Variants in TMEM255B observed in about 807,000 individuals in gnomAD.
The protein encoded by TMEM255B is transmembrane protein 255B.
Under a neutral mutation model 34.5 loss-of-function variants are expected in TMEM255B, and 35 were observed. The observed-to-expected ratio is 1.01, with a 90% CI of 0.77 to 1.34. The LOEUF (loss-of-function observed/expected upper bound fraction) is 1.34, where lower values mean the gene tolerates loss of function less well. Ranked by LOEUF, TMEM255B falls within the 40% of genes most tolerant of loss-of-function variation. The pLI, the probability that TMEM255B is intolerant of heterozygous loss-of-function variation, is 0.00. For missense variants in TMEM255B, 432 were observed against 433.2 expected (o/e 1.00, Z 0.02); for synonymous variants, 206 against 201.2 (o/e 1.02, Z -0.20).
Position 113,811,874 on chromosome 13 carries a change from G to A in TMEM255B, c.952G>A (p.Gly318Arg). 1 of 1,613,354 alleles carries A rather than the reference G, an allele frequency of 6.2e-7. No individual in the cohort carries two copies. The highest frequency in any genetic ancestry group is 8.5e-7 in the Non-Finnish European group (1 of 1,179,558). ...CTACGCACCCACCTACTTTCCCCCG[G>A]GGGAGAAGCCACCCCCCTACGCACC... is the stretch of plus-strand genomic sequence containing the variant. The part of the protein sequence containing the change: ...PCYAPTYFPP[G>R]EKPPPYAP The change falls in exon 9 of 9, where the codon GGG becomes AGG. Residue 318 changes from glycine (G) to arginine (R), a missense_variant. Transcript: ENST00000375353.
At position 113,804,924 on chromosome 13, in the gene TMEM255B, C is replaced by T; in HGVS notation, c.709C>T (p.Pro237Ser). Residue 237 changes from proline to serine, a missense_variant, in exon 8 of 9, where the codon CCA becomes TCA. Pro to Ser is a moderately conservative substitution (Grantham distance 74). Transcript: ENST00000375353. ...GCTGGCCTATGGCCCAGCCGTCCCACCACAGACCCTCTACAACCCCGCCCA... is the reference window on the plus strand; with the variant it reads ...GCTGGCCTATGGCCCAGCCGTCCCATCACAGACCCTCTACAACCCCGCCCA... ...SQLAYGPAVP[P>S]QTLYNPAQQI... 6.2e-7 allele frequency: 1 copy of T among 1,604,718 alleles called. No individual in the cohort carries two copies. The highest frequency in any genetic ancestry group is 8.5e-7 in the Non-Finnish European group (1 of 1,179,672).
At chr13:113,761,233 C>G in intron 1 of TMEM255B, 1 of 985,366 alleles carries the variant, frequency 1.0e-6, no homozygotes, top group Non-Finnish European at 1.2e-6. Flanking sequence ...TAGAACCCTT[C>G]CAAGCAGTGC....
At position 113,812,245 on chromosome 13, in the gene TMEM255B, C is replaced by T; in HGVS notation, c.*342C>T. On this transcript the variant is annotated 3_prime_UTR_variant, in exon 9 of 9. Transcript: ENST00000375353. ...TTATGATTTTGCAAAGACAGTGCAGCCCCGGCCTCCCTGCCTGTGTGTTCT... is the reference window on the plus strand; with the variant it reads ...TTATGATTTTGCAAAGACAGTGCAGTCCCGGCCTCCCTGCCTGTGTGTTCT... 1 of 313,530 alleles carries T rather than the reference C, an allele frequency of 3.2e-6. No homozygotes were observed. The highest frequency in any genetic ancestry group is 7.9e-5 in the East Asian group (1 of 12,602). 19.4% of individuals were successfully genotyped at this position (313,530 alleles called of 1,614,324 possible). A position where few individuals can be genotyped will look rare whatever the true frequency, so the allele number is the denominator to read the frequency against.
chr13:113,802,764 C>T (rs2051089504), intron 7 of TMEM255B, among the ~76,000 whole-genome samples: 1 of 148,464 alleles, frequency 6.7e-6, no homozygotes, highest in Admixed American at 6.7e-5. Context: ...CTGAGAGTGA[C>T]CCTGGCATCC....
At chr13:113,765,190 G>C (rs1376445245) in intron 1 of TMEM255B, among the ~76,000 whole-genome samples, 1 of 152,212 alleles carries the variant, frequency 6.6e-6, no homozygotes, top group Non-Finnish European at 1.5e-5. Context: ...GGAAGGCCGT[G>C]ACCAAGGCCA....
chr13:113,781,339 G>T (rs1269462694), intron 3 of TMEM255B, among the ~76,000 whole-genome samples: 1 of 152,164 alleles, frequency 6.6e-6, no homozygotes, highest in Non-Finnish European at 1.5e-5. Flanking sequence ...TTCACAACTT[G>T]CTTAAACCTT....
intron 3 of TMEM255B, among the ~76,000 whole-genome samples, chr13:113,780,293 G>A (rs149337961): frequency 0.015 from 2,210 of 152,290 alleles, 18 homozygotes; most frequent in Non-Finnish European, 0.022. Context: ...CAAAGTCTTG[G>A]TAAAATAACC....
chr13:113,782,879 G>A (rs1453521398), intron 3 of TMEM255B, among the ~76,000 whole-genome samples: 1 of 152,194 alleles, frequency 6.6e-6, no homozygotes, highest in Non-Finnish European at 1.5e-5. Context: ...GGGTTATCAG[G>A]AGGCTTTTTG....
chr13:113,800,099 G>T (rs1330326577), intron 5 of TMEM255B: 111 of 1,143,748 alleles, frequency 9.7e-5, no homozygotes, highest in South Asian at 3.1e-4. Context: ...TGTGTGTGGG[G>T]GGGGGTAGGC....
chr13:113,759,471 A>G (rs1331583630), intron 1 of TMEM255B, among the ~76,000 whole-genome samples, 156 bp downstream of exon 1: 1 of 152,168 alleles, frequency 6.6e-6, no homozygotes, highest in African/African-American at 2.4e-5. Flanking sequence ...TGTCTTTGGA[A>G]CACTTTGCAT....
rs954093948 is a variant in TMEM255B at position 113,808,215 on chromosome 13, G to C, written c.813+3187G>C. On this transcript the variant is annotated intron_variant, in intron 8 of 8. Transcript: ENST00000375353. ...TCCCACTTGAGACAGTGGGGGATGG[G>C]GAACAGTGACTTGGTGGGGGAGGTT... Among the ~76,000 whole-genome samples the C allele has an allele frequency of 7.9e-5, 12 of 152,260 alleles. No individual in the cohort carries two copies. The South Asian group carries it at 2.1e-3, about 26-fold the overall frequency.
chr13:113,769,027 C>T lies in TMEM255B; in HGVS notation c.190-71C>T. The T allele has an allele frequency of 6.4e-7, 1 of 1,561,010 alleles. No homozygotes were observed. Among genetic ancestry groups the T allele is most frequent in the Non-Finnish European group, 8.8e-7 (1 of 1,132,642 alleles). Reference sequence around the variant, plus strand: ...ATGCCTTTGAGGGCGGGATTATTTGCTTTAAATGTCAGTGTTAAGCTTCTA... The same window carrying T: ...ATGCCTTTGAGGGCGGGATTATTTGTTTTAAATGTCAGTGTTAAGCTTCTA... On this transcript the variant is annotated intron_variant, in intron 2 of 8. Transcript: ENST00000375353. The surrounding 1 kb of genome is among the most constrained non-coding windows in gnomAD (Gnocchi z 4.2).
At chr13:113,777,444 G>A (rs919026585) in intron 3 of TMEM255B, among the ~76,000 whole-genome samples, 3 of 152,190 alleles carry the variant, frequency 2.0e-5, no homozygotes, top group African/African-American at 4.8e-5. Context: ...GACAGTGGCG[G>A]AGGCTGCCAG....
rs1046751558 is a variant in TMEM255B, at chr13:113,816,042, G to A, written c.*4139G>A. On this transcript the variant is annotated 3_prime_UTR_variant, in exon 9 of 9. Coordinates refer to ENST00000375353, the MANE Select transcript of TMEM255B (RefSeq NM_182614.4). ...TCTTTTCGGGGAGGCAAGCGTGTTCGCAGCGTGTTCTGTATGGGGAGAGAT... is the reference window on the plus strand; with the variant it reads ...TCTTTTCGGGGAGGCAAGCGTGTTCACAGCGTGTTCTGTATGGGGAGAGAT... 9.3e-4 allele frequency: 158 copies of A among 170,452 alleles called. 3 individuals carry two copies. The highest frequency in any genetic ancestry group is 4.0e-3 in the African/African-American group (145 of 36,520). 10.6% of individuals were successfully genotyped at this position (170,452 alleles called of 1,614,324 possible).
Position 113,770,499 on chromosome 13 carries a change from A to G in TMEM255B, c.252+1339A>G, listed in dbSNP as rs1361411301. 1.1e-4 allele frequency among the ~76,000 whole-genome samples: 17 copies of G among 152,124 alleles called. No individual in the cohort carries two copies. The highest frequency in any genetic ancestry group is 1.1e-3 in the Admixed American group (17 of 15,286). On this transcript the variant is annotated intron_variant, in intron 3 of 8. Transcript: ENST00000375353. This position sits in a 1 kb window ranked among gnomAD's most constrained non-coding sequence, Gnocchi z 4.6. ...TGGAGCCTGACCGTGTGAGGGTGGG[A>G]GGTCCCTGGAGGGTTGGGGGTGGCT...
At chr13:113,785,941 C>T (rs1009172547) in intron 3 of TMEM255B, among the ~76,000 whole-genome samples, 3 of 152,180 alleles carry the variant, frequency 2.0e-5, no homozygotes, top group Non-Finnish European at 2.9e-5. Context: ...TGGGCCAGAC[C>T]GTTTGATTCC....
At chr13:113,808,792 T>TGGA (rs1555302321) in intron 8 of TMEM255B, among the ~76,000 whole-genome samples, 1 of 38,500 alleles carries the variant, frequency 2.6e-5, no homozygotes, top group Non-Finnish European at 4.5e-5. Flanking sequence ...CTGTGGTTCC[T>TGGA]GGGGGGGGGG....
At chr13:113,779,773 C>T (rs1356766064) in intron 3 of TMEM255B, among the ~76,000 whole-genome samples, 2 of 152,058 alleles carry the variant, frequency 1.3e-5, no homozygotes, top group Admixed American at 1.3e-4. Flanking sequence ...GACTCGTAGC[C>T]AGAAAAATTA....
At chr13:113,785,402 C>T (rs960446875) in intron 3 of TMEM255B, among the ~76,000 whole-genome samples, 4 of 152,178 alleles carry the variant, frequency 2.6e-5, no homozygotes, top group Admixed American at 1.3e-4. Context: ...GGGAGGCTTG[C>T]GGGCTTCCCT....
Sources: allele counts gnomAD v4.1 joint callset (sites outside exome capture counted in the v4.1 genomes callset), GRCh38; gene constraint gnomAD v4.1.1; non-coding constraint Gnocchi (gnomAD v3.1); transcripts MANE v1.5; gene names NCBI Gene and HGNC (gene_info 2026-07-23, HGNC 2026-07-21).